MTMR3: variants seen among roughly 807,000 people sequenced by gnomAD.
The protein encoded by MTMR3 is myotubularin related protein 3, also known as phosphatidylinositol-3,5-bisphosphate 3-phosphatase MTMR3.
Under a neutral mutation model 132.4 loss-of-function variants are expected in MTMR3, and 32 were observed. The ratio of observed to expected loss-of-function variants is 0.24; its 90% confidence interval spans 0.18 to 0.32. The LOEUF (loss-of-function observed/expected upper bound fraction) is 0.32. Among genes scored for constraint, MTMR3 ranks in the 10% least tolerant of loss-of-function variants. MTMR3 has a pLI of 1.00. For missense variants in MTMR3, 1,216 were observed against 1,489.6 expected (o/e 0.82, Z 3.02); for synonymous variants, 556 against 550.3 (o/e 1.01, Z -0.14).
rs149122218 is a variant in MTMR3, at chr22:29,922,006, C to T, written c.-137-35030C>T. ...CTGGGACTACAAGTATGCGGCACCA[C>T]ACCAGCTAATTTGTATATCATGTCT... On this transcript the variant is annotated intron_variant, in intron 1 of 19. Coordinates refer to ENST00000401950, the MANE Select transcript of MTMR3 (RefSeq NM_021090.4). 3.0e-3 allele frequency among the ~76,000 whole-genome samples: 460 copies of T among 151,626 alleles called. 3 individuals are homozygous for T. Among genetic ancestry groups the T allele is most frequent in the South Asian group, 0.016 (76 of 4,794 alleles).
chr22:30,013,574 T>A, intron 14 of MTMR3, 33 bp downstream of exon 14: 2 of 1,601,876 alleles, frequency 1.2e-6, no homozygotes, highest in East Asian at 4.5e-5. Context: ...CTTTCTCAAT[T>A]TGAAGGAGGG....
intron 1 of MTMR3, among the ~76,000 whole-genome samples, chr22:29,911,478 G>C (rs2065211158): frequency 6.6e-6 from 1 of 152,106 alleles, no homozygotes; most frequent in Non-Finnish European, 1.5e-5. Context: ...GGAAGGTCAA[G>C]GTTGCAGTGA....
chr22:29,997,362 T>A (rs1178494721), intron 7 of MTMR3: 1 of 152,236 alleles, frequency 6.6e-6, no homozygotes, highest in African/African-American at 2.4e-5. Flanking sequence ...CTTTATACTC[T>A]GAACACTAAA....
chr22:29,902,469 G>T (rs965258687), intron 1 of MTMR3, among the ~76,000 whole-genome samples: 4 of 149,320 alleles, frequency 2.7e-5, no homozygotes, highest in African/African-American at 4.9e-5. Flanking sequence ...GTGCAGTGGC[G>T]CGATCTCCTG....
chr22:29,888,700 CAG>C (rs890504073), intron 1 of MTMR3, among the ~76,000 whole-genome samples: 5 of 151,116 alleles, frequency 3.3e-5, no homozygotes, highest in Admixed American at 2.0e-4. Context: ...TCTGTTATGA[CAG>C]ATGATAGCAA....
intron 1 of MTMR3, among the ~76,000 whole-genome samples, chr22:29,933,729 CTG>C: frequency 7.1e-6 from 1 of 139,870 alleles, no homozygotes; most frequent in East Asian, 2.0e-4. Flanking sequence ...CAGAGCAGTT[CTG>C]TGTTTTTTTT....
At position 30,027,765 on chromosome 22, in the gene MTMR3, C is replaced by T. The variant is rs1221870624; in HGVS notation, c.*1964C>T. The T allele has an allele frequency of 2.0e-5, 3 of 152,556 alleles. No homozygotes were observed. The highest frequency in any genetic ancestry group is 4.4e-5 in the Non-Finnish European group (3 of 68,026). The allele number at this position is 152,556 out of a possible 1,614,324, so 9.5% of individuals were successfully genotyped here. A position where few individuals can be genotyped will look rare whatever the true frequency, so the allele number is the denominator to read the frequency against. On this transcript the variant is annotated 3_prime_UTR_variant, in exon 20 of 20. Transcript: ENST00000401950. Reference sequence around the variant, plus strand: ...CCTAAAGAGGAGTCAGTCAGTGCTCCTATATTTTTCATTTTTTGTCAAAGC... The same window carrying T: ...CCTAAAGAGGAGTCAGTCAGTGCTCTTATATTTTTCATTTTTTGTCAAAGC...
At chr22:29,954,642 C>A (rs2066152963) in intron 1 of MTMR3, among the ~76,000 whole-genome samples, 1 of 152,184 alleles carries the variant, frequency 6.6e-6, no homozygotes, top group Non-Finnish European at 1.5e-5. Flanking sequence ...ACTGAAGATA[C>A]CTCATCTTTT....
chr22:29,888,962 G>GA (rs2064737029), intron 1 of MTMR3, among the ~76,000 whole-genome samples: 1 of 151,674 alleles, frequency 6.6e-6, no homozygotes. Context: ...TTAGTTTTCA[G>GA]AATTATTCAT....
chr22:29,890,114 A>G lies in MTMR3; in HGVS notation c.-138+6755A>G, dbSNP rs558645015. 4.5e-3 allele frequency among the ~76,000 whole-genome samples: 676 copies of G among 151,302 alleles called. 6 individuals are homozygous for G. The highest frequency in any genetic ancestry group is 0.015 in the African/African-American group (638 of 41,280). ...GTAGAGACAGGGTTTCACCATGTTG[A>G]CCAGGATGGCCTCGATCTCCTGACC... On this transcript the variant is annotated intron_variant, in intron 1 of 19. Transcript: ENST00000401950.
Position 30,025,840 on chromosome 22 carries a change from TC to T in MTMR3, c.*41del. 1.1e-5 allele frequency: 17 copies of T among 1,608,834 alleles called. No individual in the cohort carries two copies. The highest frequency in any genetic ancestry group is 1.4e-5 in the Non-Finnish European group (17 of 1,176,620). On this transcript the variant is annotated 3_prime_UTR_variant, in exon 20 of 20. Transcript: ENST00000401950. ...GGGTGGGCAGTGGCCAAGCTGCTGTTCCTATGACAGGCCCACTCAACCTGGG... is the reference window on the plus strand; with the variant it reads ...GGGTGGGCAGTGGCCAAGCTGCTGTTCTATGACAGGCCCACTCAACCTGGG...
chr22:29,969,751 C>T (rs1354354740), intron 2 of MTMR3, among the ~76,000 whole-genome samples: 1 of 152,064 alleles, frequency 6.6e-6, no homozygotes, highest in Non-Finnish European at 1.5e-5. Context: ...AGGCTGGTCT[C>T]GAACTCCTGA....
At chr22:29,947,357 C>A (rs1213021750) in intron 1 of MTMR3, among the ~76,000 whole-genome samples, 1 of 151,186 alleles carries the variant, frequency 6.6e-6, no homozygotes, top group Non-Finnish European at 1.5e-5. Context: ...TTTTTAAATG[C>A]TGAATTGTAT....
chr22:30,027,740 C>T lies in MTMR3; in HGVS notation c.*1939C>T, dbSNP rs940287169. On this transcript the variant is annotated 3_prime_UTR_variant, in exon 20 of 20. Coordinates refer to ENST00000401950, the MANE Select transcript of MTMR3 (RefSeq NM_021090.4). Reference sequence around the variant, plus strand: ...ATAGCTGTACATATAACCCTTTTCTCCTAAAGAGGAGTCAGTCAGTGCTCC... The same window carrying T: ...ATAGCTGTACATATAACCCTTTTCTTCTAAAGAGGAGTCAGTCAGTGCTCC... 1 of 152,658 alleles carries T rather than the reference C, an allele frequency of 6.6e-6. No individual in the cohort carries two copies. Among genetic ancestry groups the T allele is most frequent in the Non-Finnish European group, 1.5e-5 (1 of 68,030 alleles). The allele number at this position is 152,658 out of a possible 1,614,324, so 9.5% of individuals were successfully genotyped here.
At chr22:29,898,328 G>A (rs974416831) in intron 1 of MTMR3, among the ~76,000 whole-genome samples, 1 of 152,128 alleles carries the variant, frequency 6.6e-6, no homozygotes, top group African/African-American at 2.4e-5. Flanking sequence ...GTGCAGGTTT[G>A]TTACATGGGT....
chr22:29,961,785 C>T (rs1187035465), intron 2 of MTMR3, among the ~76,000 whole-genome samples: 1 of 152,334 alleles, frequency 6.6e-6, no homozygotes, highest in East Asian at 1.9e-4. Context: ...GTCCTACAAG[C>T]ACCATTCATG....
intron 1 of MTMR3, among the ~76,000 whole-genome samples, chr22:29,906,282 GTCTGTCTA>G (rs1333948572): frequency 0.014 from 1,185 of 87,664 alleles, 13 homozygotes; most frequent in East Asian, 0.033. Flanking sequence ...CTGTCTGTCT[GTCTGTCTA>G]TCTATCTATC....
At chr22:29,977,185 G>C (rs575369257) in intron 3 of MTMR3, among the ~76,000 whole-genome samples, 74 of 152,138 alleles carry the variant, frequency 4.9e-4, no homozygotes, top group Non-Finnish European at 9.7e-4. Context: ...CCAGCTACCT[G>C]GGAGGCTGAG....
At chr22:29,942,314 G>A (rs2065871955) in intron 1 of MTMR3, among the ~76,000 whole-genome samples, 1 of 152,040 alleles carries the variant, frequency 6.6e-6, no homozygotes. Context: ...ATAGGGTGTG[G>A]GTCACAGAGA....
Sources: allele counts gnomAD v4.1 joint callset (sites outside exome capture counted in the v4.1 genomes callset), GRCh38; gene constraint gnomAD v4.1.1; transcripts MANE v1.5; gene names NCBI Gene and HGNC (gene_info 2026-07-23, HGNC 2026-07-21).